The following PCNX1 variants were observed in gnomAD, a reference collection of about 807,000 sequenced individuals.
PCNX1 encodes the protein pecanex-like protein 1.
Under a neutral mutation model 242.2 loss-of-function variants are expected in PCNX1, and 78 were observed. The observed-to-expected ratio is 0.32, with a 90% confidence interval of 0.27 to 0.39. The LOEUF (loss-of-function observed/expected upper bound fraction) is 0.39, where lower values mean the gene tolerates loss of function less well. PCNX1 is among the 10% of genes least tolerant of loss of function. The pLI, the probability that PCNX1 is intolerant of heterozygous loss-of-function variation, is 1.00. For missense variants in PCNX1, 2,581 were observed against 2,856.5 expected, an observed-to-expected ratio of 0.90 and a Z score of 2.20; for synonymous variants, 1,024 against 1,032.9, an observed-to-expected ratio of 0.99 and a Z score of 0.17.
intron 8 of PCNX1, among the ~76,000 whole-genome samples, chr14:71,007,811 C>G (rs1370210656): frequency 6.6e-6 from 1 of 150,932 alleles, no homozygotes; most frequent in Admixed American, 6.6e-5. Flanking sequence ...TCGGTAGCAA[C>G]TTCTGTAATT....
Position 71,115,273 on chromosome 14 carries a change from T to C in PCNX1, c.*5338T>C, listed in dbSNP as rs2062836318. 1 of 152,650 alleles carries C rather than the reference T, an allele frequency of 6.6e-6. No individual in the cohort carries two copies. Among genetic ancestry groups the C allele is most frequent in the Non-Finnish European group, 1.5e-5 (1 of 68,026 alleles). The allele number at this position is 152,650 out of a possible 1,614,324, so 9.5% of individuals were successfully genotyped here. A position where few individuals can be genotyped will look rare whatever the true frequency, so the allele number is the denominator to read the frequency against. On this transcript the variant is annotated 3_prime_UTR_variant, in exon 36 of 36. Transcript: ENST00000304743. ...CTGAACAGCTTGTAAATATTGTAGT[T>C]GTTTAAAATGGAAAATAAAAGCTGA...
chr14:71,005,675 T>C (rs2059636471), intron 8 of PCNX1, among the ~76,000 whole-genome samples: 2 of 152,318 alleles, frequency 1.3e-5, no homozygotes, highest in African/African-American at 4.8e-5. Context: ...GTCTTGTGAA[T>C]GTTTATCAGA....
intron 23 of PCNX1, among the ~76,000 whole-genome samples, chr14:71,051,181 A>C (rs1317033716): frequency 2.1e-5 from 3 of 145,516 alleles, no homozygotes; most frequent in Admixed American, 6.9e-5. Flanking sequence ...AAAAAAAAAA[A>C]AAAAAAAAAA....
chr14:70,911,699 C>G (rs762741782), intron 1 of PCNX1, among the ~76,000 whole-genome samples: 2 of 152,034 alleles, frequency 1.3e-5, no homozygotes, highest in African/African-American at 2.4e-5. Context: ...TTGATTTACT[C>G]ATTTGTGAGA....
intron 8 of PCNX1, among the ~76,000 whole-genome samples, chr14:71,003,102 A>ATTTTTTTTTTTTTTTTTTTTTT (rs2059556546): frequency 1.9e-4 from 5 of 25,740 alleles, no homozygotes; most frequent in African/African-American, 1.6e-3. Flanking sequence ...TTTTTTTTTG[A>ATTTTTTTTTTTTTTTTTTTTTT]GACAGAGTCT....
Position 71,058,792 on chromosome 14 carries a change from T to A in PCNX1, c.4852+1068T>A, listed in dbSNP as rs145579008. 4.5e-4 allele frequency among the ~76,000 whole-genome samples: 68 copies of A among 152,354 alleles called. No homozygotes were observed. The East Asian group carries it at 0.013, about 29-fold the overall frequency. ...TTAATGCGGAGTAAATGTTGATGTT[T>A]ACTTGTGATCTGTTTATAATCCATT... On this transcript the variant is annotated intron_variant, in intron 26 of 35. Transcript: ENST00000304743.
chr14:70,983,019 A>G (rs577510111), intron 6 of PCNX1, among the ~76,000 whole-genome samples: 1 of 152,366 alleles, frequency 6.6e-6, no homozygotes, highest in South Asian at 2.1e-4. Context: ...ATATAAACAA[A>G]GACAGTGATG....
chr14:71,009,580 A>G (rs1465764178), intron 8 of PCNX1, 54 bp from the exon 9 acceptor site: 2 of 1,044,232 alleles, frequency 1.9e-6, no homozygotes, highest in East Asian at 2.6e-5. Context: ...TATATCATGA[A>G]GGAAAAATTC....
chr14:71,031,983 G>T, intron 16 of PCNX1: 1 of 1,206,162 alleles, frequency 8.3e-7, no homozygotes, highest in Non-Finnish European at 1.2e-6. Context: ...GTGGTTCATT[G>T]TCTCATGCCA....
chr14:71,016,315 A>C (rs1199278555), intron 11 of PCNX1, among the ~76,000 whole-genome samples: 3 of 152,196 alleles, frequency 2.0e-5, no homozygotes, highest in Admixed American at 1.3e-4. Flanking sequence ...TGATTTCAGC[A>C]CTTCTCTTTA....
At chr14:70,996,055 T>A in intron 8 of PCNX1, 130 bp downstream of exon 8, 1 of 661,854 alleles carries the variant, frequency 1.5e-6, no homozygotes, top group Admixed American at 2.5e-5. Flanking sequence ...TACATAGGAT[T>A]TACCCTATGT....
In PCNX1 at chr14:71,073,899, T is replaced by C. The variant is rs369801248; in HGVS notation, c.5106+101T>C. Reference sequence around the variant, plus strand: ...TATGTATATACTTTTTTTTAACGTATGCTTTGCTTCCAAGTACTTATTTAA... The same window carrying C: ...TATGTATATACTTTTTTTTAACGTACGCTTTGCTTCCAAGTACTTATTTAA... On this transcript the variant is annotated intron_variant, in intron 27 of 35. Transcript: ENST00000304743. The C allele has an allele frequency of 1.6e-5, 12 of 768,188 alleles. No individual in the cohort carries two copies. The East Asian group carries it at 4.0e-4, about 26-fold the overall frequency. The allele number at this position is 768,188 out of a possible 1,614,324, so 47.6% of individuals were successfully genotyped here. A position where few individuals can be genotyped will look rare whatever the true frequency, so the allele number is the denominator to read the frequency against.
intron 16 of PCNX1, among the ~76,000 whole-genome samples, chr14:71,029,887 G>C (rs971043693): frequency 2.0e-5 from 3 of 152,162 alleles, no homozygotes; most frequent in African/African-American, 7.2e-5. Flanking sequence ...TACCCACATT[G>C]TATGACTATA....
At chr14:71,037,736 A>G (rs1329819865) in intron 19 of PCNX1, among the ~76,000 whole-genome samples, 1 of 151,908 alleles carries the variant, frequency 6.6e-6, no homozygotes, top group African/African-American at 2.4e-5. Context: ...TAAAGTTCAT[A>G]TGGAACCAAA....
At chr14:71,022,637 G>C (rs532016794) in intron 12 of PCNX1, among the ~76,000 whole-genome samples, 1 of 152,136 alleles carries the variant, frequency 6.6e-6, no homozygotes, top group East Asian at 1.9e-4. Context: ...AATACCTTCT[G>C]AACATTTTTA....
intron 8 of PCNX1, among the ~76,000 whole-genome samples, chr14:71,004,152 T>C (rs1039827809): frequency 5.3e-5 from 8 of 152,236 alleles, no homozygotes; most frequent in African/African-American, 1.9e-4. Flanking sequence ...CATGTTACAG[T>C]TGTAGACTTG....
intron 1 of PCNX1, among the ~76,000 whole-genome samples, chr14:70,912,605 A>T (rs1594873980): frequency 6.6e-6 from 1 of 151,716 alleles, no homozygotes; most frequent in Non-Finnish European, 1.5e-5. Context: ...CACTGTCTGT[A>T]TCTAGTTGCT....
chr14:71,004,047 C>A (rs867736742), intron 8 of PCNX1, among the ~76,000 whole-genome samples: 1 of 152,212 alleles, frequency 6.6e-6, no homozygotes, highest in Non-Finnish European at 1.5e-5. Context: ...TGTTAGTAAA[C>A]CACCGCCTGT....
At chr14:71,004,607 T>TGCCAGAAAGGTTGGGG (rs1417236136) in intron 8 of PCNX1, among the ~76,000 whole-genome samples, 1 of 152,190 alleles carries the variant, frequency 6.6e-6, no homozygotes, top group Non-Finnish European at 1.5e-5. Flanking sequence ...TGGTCCCTTA[T>TGCCAGAAAGGTTGGGG]GCCAGAAAGG....
Sources: allele counts gnomAD v4.1 joint callset (sites outside exome capture counted in the v4.1 genomes callset), GRCh38; gene constraint gnomAD v4.1.1; transcripts MANE v1.5; gene names NCBI Gene and HGNC (gene_info 2026-07-23, HGNC 2026-07-21).